Variants in EFCAB3 observed in about 807,000 individuals in gnomAD.
EFCAB3 encodes the protein EF-hand calcium-binding domain-containing protein 3.
Under a neutral mutation model 42.2 loss-of-function variants are expected in EFCAB3, and 36 were observed. The ratio of observed to expected loss-of-function variants is 0.85; its 90% CI spans 0.65 to 1.13. EFCAB3 has a LOEUF of 1.13. Among genes scored for constraint, EFCAB3 ranks in the 50% most tolerant of loss-of-function variants. The pLI is 0.00. For missense variants in EFCAB3, 418 were observed against 505.1 expected (o/e 0.83, Z 1.65); for synonymous variants, 170 against 172.8 (o/e 0.98, Z 0.13).
chr17:62,375,534 CT>C (rs1384695612), intron 2 of EFCAB3, among the ~76,000 whole-genome samples: 1 of 152,202 alleles, frequency 6.6e-6, no homozygotes, highest in Admixed American at 6.5e-5. Context: ...CTCACAAAAG[CT>C]TAGTTTTTGA....
upstream of EFCAB3, among the ~76,000 whole-genome samples, chr17:62,376,266 G>A (rs1386656013): frequency 6.6e-6 from 1 of 151,994 alleles, no homozygotes; most frequent in African/African-American, 2.4e-5. Flanking sequence ...TGAGGTCAGG[G>A]GTTAGAGACC....
At chr17:62,415,119 C>CAA (rs74374642) in intron 9 of EFCAB3, among the ~76,000 whole-genome samples, 24 of 126,016 alleles carry the variant, frequency 1.9e-4, no homozygotes, top group African/African-American at 8.4e-4. Context: ...CAAAAAAAAA[C>CAA]AAAAAAAAAC....
At chr17:62,388,701 A>G (rs1158488484) in intron 3 of EFCAB3, among the ~76,000 whole-genome samples, 3 of 152,210 alleles carry the variant, frequency 2.0e-5, no homozygotes, top group Admixed American at 6.5e-5. Flanking sequence ...TGTTCTTTAC[A>G]GTGCTTAATC....
intron 6 of EFCAB3, among the ~76,000 whole-genome samples, chr17:62,403,267 A>C (rs2070419887): frequency 6.6e-6 from 1 of 152,150 alleles, no homozygotes; most frequent in Non-Finnish European, 1.5e-5. Context: ...ACATCCAACC[A>C]ATCACTAAGC....
At chr17:62,375,684 A>C (rs1010129123), upstream of EFCAB3, among the ~76,000 whole-genome samples, 3 of 152,206 alleles carry the variant, frequency 2.0e-5, no homozygotes, top group Admixed American at 6.5e-5. Context: ...TATCTGGGCA[A>C]CTCAGAACAA....
At chr17:62,371,631 G>A (rs558227909) in intron 1 of EFCAB3, among the ~76,000 whole-genome samples, 8 of 152,158 alleles carry the variant, frequency 5.3e-5, no homozygotes, top group Non-Finnish European at 1.0e-4. Context: ...AATATGCTAA[G>A]TTGTGCCTGA....
rs771854629 is a variant in EFCAB3, at chr17:62,406,439, G to A, written c.489-41G>A. The A allele has an allele frequency of 9.3e-6, 14 of 1,504,542 alleles. No individual in the cohort carries two copies. In the African/African-American group the frequency reaches 1.8e-4, roughly 20 times the overall value. 93.2% of individuals were successfully genotyped at this position (1,504,542 alleles called of 1,614,324 possible). ...TGACTTTTTAAAATTTTTGTCCTAT[G>A]TCTCTTTGTATCCATTTCTGAATTA... is the stretch of plus-strand genomic sequence containing the variant. On this transcript the variant is annotated intron_variant, in intron 6 of 9. Coordinates refer to ENST00000305286, the MANE Select transcript of EFCAB3 (RefSeq NM_173503.4).
intron 8 of EFCAB3, among the ~76,000 whole-genome samples, chr17:62,409,615 T>G (rs558690214): frequency 1.3e-5 from 2 of 151,912 alleles, no homozygotes; most frequent in South Asian, 4.1e-4. Flanking sequence ...ATTTATGTAT[T>G]CAAATAAAAT....
At chr17:62,385,815 G>A (rs1490402456) in intron 2 of EFCAB3, among the ~76,000 whole-genome samples, 1 of 147,034 alleles carries the variant, frequency 6.8e-6, no homozygotes, top group East Asian at 2.0e-4. Flanking sequence ...CACCTCCTGG[G>A]TTCATGTCAT....
intron 3 of EFCAB3, 119 bp from the exon 4 acceptor site, chr17:62,391,703 T>C (rs2070303863): frequency 9.0e-7 from 1 of 1,114,736 alleles, no homozygotes; most frequent in East Asian, 2.5e-5. Flanking sequence ...ACTCATTTTT[T>C]TCGCAATCCT....
Position 62,404,800 on chromosome 17 carries a change from A to AAAT in EFCAB3, c.489-1659_489-1657dup, listed in dbSNP as rs143877290. ...AACAAGAACAAAATTCCATCTCAAA[A>AAAT]AATAATAATAATAATAATAATAAAG... On this transcript the variant is annotated intron_variant, in intron 6 of 9. Coordinates refer to ENST00000305286, the MANE Select transcript of EFCAB3 (RefSeq NM_173503.4). Among the ~76,000 whole-genome samples, 481 of 151,892 alleles carry AAAT rather than the reference A, an allele frequency of 3.2e-3. 1 individual carries two copies. Among genetic ancestry groups the AAAT allele is most frequent in the South Asian group, 5.2e-3 (25 of 4,808 alleles).
chr17:62,383,901 G>C (rs1226628982), intron 2 of EFCAB3, among the ~76,000 whole-genome samples: 2 of 152,270 alleles, frequency 1.3e-5, no homozygotes, highest in South Asian at 4.1e-4. Context: ...GGCTAAAATT[G>C]GGAAGGGAGA....
chr17:62,386,442 G>C (rs1159165117), intron 2 of EFCAB3, among the ~76,000 whole-genome samples: 3 of 151,218 alleles, frequency 2.0e-5, no homozygotes, highest in African/African-American at 7.3e-5. Context: ...ACAGTTTGAC[G>C]ATTGTAAAAT....
rs1274741810 is a variant in EFCAB3 at position 62,375,273 on chromosome 17, T to A, written c.88+1406T>A. 4.6e-5 allele frequency among the ~76,000 whole-genome samples: 7 copies of A among 152,316 alleles called. No homozygotes were observed. The East Asian group carries it at 1.3e-3, about 29-fold the overall frequency. ...TATTTTATTTGTAAAAGAAAAAATA[T>A]CTACCTTTTAATAAGCCCAGTCTAT... On this transcript the variant is annotated intron_variant, in intron 2 of 11. Transcript: ENST00000450662.
Position 62,387,393 on chromosome 17 carries a change from A to T in EFCAB3, c.128A>T (p.Lys43Met), listed in dbSNP as rs1327769506. 5 of 1,612,024 alleles carry T rather than the reference A, an allele frequency of 3.1e-6. No individual in the cohort carries two copies. The highest frequency in any genetic ancestry group is 4.2e-6 in the Non-Finnish European group (5 of 1,178,812). ...TGCCAATTACAACACAAAGAAAAGA[A>T]GCTAAGTGCTTCACAAATGGCAGGT... is the stretch of plus-strand genomic sequence containing the variant. ...LQCQLQHKEK[K>M]LSASQMAAFQ... The change falls in exon 3 of 10, where the codon AAG becomes ATG. Residue 43 changes from lysine to methionine, a missense_variant. By Grantham distance (95) the Lys-to-Met change is moderately conservative. Transcript: ENST00000305286.
In EFCAB3 at chr17:62,413,914, A is replaced by G. The variant is rs1194929982; in HGVS notation, c.990+60A>G. ...CACTGACAAAAATATTGTCCACTTCAATACTACACCATAAAACCAAGAGAA... is the reference window on the plus strand; with the variant it reads ...CACTGACAAAAATATTGTCCACTTCGATACTACACCATAAAACCAAGAGAA... On this transcript the variant is annotated intron_variant, in intron 9 of 9. Coordinates refer to ENST00000305286, the MANE Select transcript of EFCAB3 (RefSeq NM_173503.4). 2.0e-6 allele frequency: 3 copies of G among 1,523,696 alleles called. No individual in the cohort carries two copies. The African/African-American group carries it at 4.1e-5, about 21-fold the overall frequency. 94.4% of individuals were successfully genotyped at this position (1,523,696 alleles called of 1,614,324 possible).
intron 1 of EFCAB3, chr17:62,373,668 T>G (rs2070129998): frequency 1.7e-6 from 1 of 592,218 alleles, no homozygotes. Flanking sequence ...GACAGAAAAA[T>G]GAATCCAAAT....
intron 3 of EFCAB3, among the ~76,000 whole-genome samples, chr17:62,391,222 C>T (rs376129775): frequency 2.0e-5 from 3 of 152,242 alleles, no homozygotes; most frequent in South Asian, 4.1e-4. Context: ...CTCCTGACCT[C>T]GTGATCCACG....
intron 1 of EFCAB3, among the ~76,000 whole-genome samples, chr17:62,373,564 T>C (rs1474897523): frequency 6.6e-6 from 1 of 151,588 alleles, no homozygotes; most frequent in Non-Finnish European, 1.5e-5. Flanking sequence ...AAGGTTGCAA[T>C]GAGCCATAAT....
Sources: allele counts gnomAD v4.1 joint callset (sites outside exome capture counted in the v4.1 genomes callset), GRCh38; gene constraint gnomAD v4.1.1; transcripts MANE v1.5; gene names NCBI Gene and HGNC (gene_info 2026-07-23, HGNC 2026-07-21).